MESD: variants seen among roughly 807,000 people sequenced by gnomAD.
MESD encodes the protein mesoderm development LRP chaperone, also known as LRP chaperone MESD.
MESD carries 7 observed loss-of-function variants against 12.9 expected under a neutral mutation model. The observed-to-expected ratio is 0.54, with a 90% CI of 0.31 to 1.02. The LOEUF is 1.02. Among genes scored for constraint, MESD ranks in the 50% least tolerant of loss-of-function variants. The pLI, the probability that MESD is intolerant of heterozygous loss-of-function variation, is 0.05. For synonymous variants in MESD, 126 were observed against 115.6 expected, an observed-to-expected ratio of 1.09 and a Z score of -0.58; for missense variants, 342 against 296.7, an observed-to-expected ratio of 1.15 and a Z score of -1.12.
intron 1 of MESD, 63 bp downstream of exon 1, chr15:80,989,516 G>A (rs1421996176): frequency 2.6e-6 from 4 of 1,536,692 alleles, no homozygotes; most frequent in South Asian, 2.4e-5. Flanking sequence ...GAACAGGTAA[G>A]GGGTCATAGG....
At chr15:80,980,847 T>C (rs1171329251) in intron 2 of MESD, among the ~76,000 whole-genome samples, 7 of 150,254 alleles carry the variant, frequency 4.7e-5, no homozygotes, top group African/African-American at 1.5e-4. Context: ...TTCCCCGAGA[T>C]GGAGTCTTGC....
At chr15:80,985,627 G>A in intron 1 of MESD, among the ~76,000 whole-genome samples, 1 of 143,146 alleles carries the variant, frequency 7.0e-6, no homozygotes. Context: ...TAACTCAGTA[G>A]GTCCCAAGCA....
intron 1 of MESD, among the ~76,000 whole-genome samples, chr15:80,986,482 T>C (rs1257614746): frequency 1.3e-5 from 2 of 152,184 alleles, no homozygotes; most frequent in African/African-American, 2.4e-5. Context: ...GAATTGACCA[T>C]TACATTTTAT....
rs188227110 is a variant in MESD at position 80,948,718 on chromosome 15, G to A, written c.*807C>T. 2.5e-4 allele frequency: 397 copies of A among 1,596,890 alleles called. 1 individual carries two copies. In the African/African-American group the frequency reaches 3.8e-3, roughly 15 times the overall value. Reference sequence around the variant, plus strand: ...TACCTGGTGGGCGTGGGGGGCTGGCGATGGGGAGCCATGGAACGGGGTGGG... The same window carrying A: ...TACCTGGTGGGCGTGGGGGGCTGGCAATGGGGAGCCATGGAACGGGGTGGG... On this transcript the variant is annotated 3_prime_UTR_variant, in exon 5 of 5. Coordinates refer to the MESD transcript ENST00000561312.
At chr15:80,988,575 G>T (rs1003561210) in intron 1 of MESD, among the ~76,000 whole-genome samples, 1 of 152,172 alleles carries the variant, frequency 6.6e-6, no homozygotes, top group East Asian at 1.9e-4. Flanking sequence ...ATCAGCTGTT[G>T]ATGACCACAT....
chr15:80,989,673 G>A lies in MESD; in HGVS notation c.119C>T (p.Thr40Met). The A allele has an allele frequency of 2.5e-6, 4 of 1,613,408 alleles. No homozygotes were observed. The highest frequency in any genetic ancestry group is 2.5e-6 in the Non-Finnish European group (3 of 1,179,992). The change falls in exon 1 of 3, where the codon ACG becomes ATG. Residue 40 changes from threonine to methionine, a missense_variant. Physicochemically the swap from Thr to Met is moderately conservative, Grantham distance 81. Transcript: ENST00000261758. Reference protein sequence around the residue: ...GSCAAEGSPGTPDESTPPPRK... With the variant: ...GSCAAEGSPGMPDESTPPPRK... ...GGGAGGTGGGGTAGACTCGTCGGGC[G>A]TCCCGGGCGAGCCTTCGGCCGCGCA...
intron 1 of MESD, among the ~76,000 whole-genome samples, chr15:80,988,909 T>C (rs995741890): frequency 1.3e-5 from 2 of 152,182 alleles, no homozygotes; most frequent in Non-Finnish European, 2.9e-5. Flanking sequence ...ACACACTCCC[T>C]GTAACTGCAC....
chr15:80,955,099 C>A (rs1901940069), intron 3 of MESD, among the ~76,000 whole-genome samples: 1 of 151,242 alleles, frequency 6.6e-6, no homozygotes, highest in African/African-American at 2.4e-5. Flanking sequence ...GAATTCAAAA[C>A]CAGCCTGGGC....
chr15:80,947,828 T>A (rs563599611), exon 5 of MESD: 1 of 152,420 alleles, frequency 6.6e-6, no homozygotes, highest in South Asian at 2.1e-4. Flanking sequence ...TTATTTCCAT[T>A]TAAGATGAGG....
chr15:80,982,014 CCTT>C lies in MESD; in HGVS notation c.379_381del (p.Lys127del), dbSNP rs1352192831. On this transcript the variant is annotated inframe_deletion, in exon 2 of 3. Transcript: ENST00000261758. ...CAGAGGCTCGTAATTTCCTCTGTCT[CCTT>C]CTCAGTAGGGCTTCCTGATACAGTG... 2.5e-6 allele frequency: 4 copies of C among 1,614,070 alleles called. No individual in the cohort carries two copies. Among genetic ancestry groups the C allele is most frequent in the African/African-American group, 1.3e-5 (1 of 74,914 alleles).
At chr15:80,954,149 CCTT>C (rs1333723148) in intron 3 of MESD, among the ~76,000 whole-genome samples, 1 of 152,208 alleles carries the variant, frequency 6.6e-6, no homozygotes, top group Non-Finnish European at 1.5e-5. Context: ...CCACACAAAG[CCTT>C]CTCTGACCCA....
Position 80,969,145 on chromosome 15 carries a change from G to A in MESD, c.*288+9786C>T, listed in dbSNP as rs200387918. Among the ~76,000 whole-genome samples the A allele has an allele frequency of 3.5e-4, 54 of 152,262 alleles. No individual in the cohort carries two copies. The East Asian group carries it at 8.3e-3, about 23-fold the overall frequency. ...GTCGAGGCTGCAGTGAGCTGCCATC[G>A]TGCCAGTGCACTCCAGCGTGAGCAA... On this transcript the variant is annotated intron_variant, in intron 3 of 4. Transcript: ENST00000561312.
intron 1 of MESD, among the ~76,000 whole-genome samples, chr15:80,983,276 C>A (rs1902635168): frequency 6.6e-6 from 1 of 152,018 alleles, no homozygotes; most frequent in Non-Finnish European, 1.5e-5. Context: ...GAAATACTCC[C>A]TCTTTGCACT....
intron 3 of MESD, among the ~76,000 whole-genome samples, chr15:80,964,036 T>C (rs1596227494): frequency 6.6e-6 from 1 of 152,174 alleles, no homozygotes; most frequent in Non-Finnish European, 1.5e-5. Flanking sequence ...GGCAGTCAAA[T>C]TGTCCCTGTT....
exon 5 of MESD, chr15:80,948,629 G>A: frequency 1.1e-6 from 1 of 886,044 alleles, no homozygotes. Context: ...ACACATGTCA[G>A]GCACCATCAG....
chr15:80,951,884 G>A (rs1306197927), intron 4 of MESD: 2 of 186,078 alleles, frequency 1.1e-5, no homozygotes, highest in African/African-American at 4.7e-5. Context: ...TAATAAGGCT[G>A]ATGAAATCAC....
chr15:80,970,444 C>A (rs1013454649), intron 3 of MESD: 5 of 152,218 alleles, frequency 3.3e-5, no homozygotes, highest in African/African-American at 1.2e-4. Flanking sequence ...AAATCCCCTT[C>A]CCTCTGGGCT....
chr15:80,953,870 C>G (rs751992015), intron 3 of MESD, among the ~76,000 whole-genome samples: 5 of 152,100 alleles, frequency 3.3e-5, no homozygotes, highest in Non-Finnish European at 7.3e-5. Flanking sequence ...TGGAAGCAGG[C>G]GTTTGGGAGA....
intron 3 of MESD, among the ~76,000 whole-genome samples, chr15:80,955,912 G>T (rs111982174): frequency 0.028 from 4,210 of 152,192 alleles, 184 homozygotes; most frequent in African/African-American, 0.092. Context: ...GTGAGCCACT[G>T]CGCCCGGCTG....
Sources: gnomAD v4.1 joint callset for allele counts (sites outside exome capture counted in the v4.1 genomes callset) on GRCh38, gnomAD v4.1.1 for gene constraint, MANE v1.5 for transcripts, NCBI Gene and HGNC (gene_info 2026-07-23, HGNC 2026-07-21) for gene names.